Variants in STX8 observed in about 807,000 individuals in gnomAD.
The protein encoded by STX8 is syntaxin-8.
A neutral mutation model predicts 37.5 loss-of-function variants in STX8; 23 were observed. That is an observed-to-expected ratio of 0.61 (90% CI 0.44 to 0.87). The LOEUF (loss-of-function observed/expected upper bound fraction) is 0.87. STX8 is among the 40% of genes least tolerant of loss of function. The probability of loss-of-function intolerance (pLI) is 0.00; values close to 1 mark genes in which losing one functional copy is unlikely to be tolerated. For synonymous variants in STX8, 115 were observed against 99.1 expected (o/e 1.16, Z -0.95); for missense variants, 313 against 284.7 (o/e 1.10, Z -0.71).
chr17:9,434,438 G>A (rs952310074), intron 6 of STX8, among the ~76,000 whole-genome samples: 1 of 152,208 alleles, frequency 6.6e-6, no homozygotes. Context: ...AGACAGAGTG[G>A]AACACTAAAG....
chr17:9,385,084 T>G (rs988765866), intron 6 of STX8, among the ~76,000 whole-genome samples: 1 of 151,134 alleles, frequency 6.6e-6, no homozygotes, highest in African/African-American at 2.4e-5. Context: ...GGACAGGACA[T>G]AAAAAGACTA....
chr17:9,463,999 T>C (rs987702917), intron 6 of STX8, among the ~76,000 whole-genome samples: 2 of 151,894 alleles, frequency 1.3e-5, no homozygotes, highest in Admixed American at 6.6e-5. Context: ...TGCTTAAACC[T>C]GGGAGGCAGG....
intron 7 of STX8, among the ~76,000 whole-genome samples, chr17:9,323,888 T>C (rs764281662): frequency 5.3e-5 from 8 of 152,054 alleles, no homozygotes; most frequent in Non-Finnish European, 1.2e-4. Context: ...AGAATGGGAA[T>C]GCACGCAGGT....
At chr17:9,430,634 G>A (rs1226278596) in intron 6 of STX8, among the ~76,000 whole-genome samples, 6 of 147,716 alleles carry the variant, frequency 4.1e-5, no homozygotes, top group Non-Finnish European at 8.9e-5. Flanking sequence ...GGACAGTTGG[G>A]CTCAGTGGTT....
intron 1 of STX8, among the ~76,000 whole-genome samples, chr17:9,573,506 T>C (rs1907767251): frequency 6.6e-6 from 1 of 152,204 alleles, no homozygotes; most frequent in Non-Finnish European, 1.5e-5. Context: ...AAATCTTACA[T>C]GTATTAATTC....
At chr17:9,523,289 G>A (rs1443214555) in intron 4 of STX8, among the ~76,000 whole-genome samples, 1 of 141,242 alleles carries the variant, frequency 7.1e-6, no homozygotes, top group Admixed American at 7.5e-5. Flanking sequence ...TCCAGCCTGG[G>A]CAACAGAGCG....
Position 9,504,512 on chromosome 17 carries a change from C to G in STX8, c.448+526G>C, listed in dbSNP as rs200918794. ...TTGCTTGGACTTAGATTCAGATCTG[C>G]TCTCTCTGCTCTTGCCCAATGGAAA... On this transcript the variant is annotated intron_variant, in intron 5 of 7. Transcript: ENST00000306357. Among the ~76,000 whole-genome samples the G allele has an allele frequency of 3.3e-4, 50 of 152,156 alleles. No homozygotes were observed. In the East Asian group the frequency reaches 7.0e-3, roughly 21 times the overall value.
chr17:9,323,775 T>C (rs1450210326), intron 7 of STX8, among the ~76,000 whole-genome samples: 1 of 151,914 alleles, frequency 6.6e-6, no homozygotes, highest in Non-Finnish European at 1.5e-5. Context: ...CTGATAGAAG[T>C]GGAGATTAGC....
rs532239494 is a variant in STX8, at chr17:9,470,546, C to T, written c.541+21283G>A. Among the ~76,000 whole-genome samples, 25 of 152,300 alleles carry T rather than the reference C, an allele frequency of 1.6e-4. No individual in the cohort carries two copies. In the South Asian group the frequency reaches 4.3e-3, roughly 26 times the overall value. Reference sequence around the variant, plus strand: ...GTGAAGAGCTACAATTTGTCTTAAGCGGCTTTCACCTTCTTTCTGTATCTT... The same window carrying T: ...GTGAAGAGCTACAATTTGTCTTAAGTGGCTTTCACCTTCTTTCTGTATCTT... On this transcript the variant is annotated intron_variant, in intron 6 of 7. Transcript: ENST00000306357.
chr17:9,341,586 G>A (rs1910360932), intron 7 of STX8, among the ~76,000 whole-genome samples: 1 of 152,114 alleles, frequency 6.6e-6, no homozygotes, highest in South Asian at 2.1e-4. Flanking sequence ...ACAGGCATGT[G>A]CCACCAGGCC....
At chr17:9,572,937 T>C (rs535183000) in intron 1 of STX8, among the ~76,000 whole-genome samples, 1 of 152,320 alleles carries the variant, frequency 6.6e-6, no homozygotes, top group East Asian at 1.9e-4. Flanking sequence ...CCAATCTAAA[T>C]AGATAACTGG....
At chr17:9,470,722 G>GCTTTTTT (rs1290034803) in intron 6 of STX8, among the ~76,000 whole-genome samples, 1 of 151,990 alleles carries the variant, frequency 6.6e-6, no homozygotes, top group Non-Finnish European at 1.5e-5. Flanking sequence ...AGGCCTAACT[G>GCTTTTTT]CTTTTTTCTT....
intron 6 of STX8, among the ~76,000 whole-genome samples, chr17:9,415,913 A>G (rs75371509): frequency 0.024 from 3,630 of 152,310 alleles, 66 homozygotes; most frequent in South Asian, 0.048. Context: ...TCCAGCTTCT[A>G]TGCTGGCATC....
chr17:9,490,969 C>T (rs1906828471), intron 6 of STX8, among the ~76,000 whole-genome samples: 2 of 152,158 alleles, frequency 1.3e-5, no homozygotes. Context: ...AAGGGCTTAG[C>T]ACATAGTGGG....
chr17:9,512,561 C>T (rs1481461393), intron 4 of STX8, among the ~76,000 whole-genome samples: 1 of 152,030 alleles, frequency 6.6e-6, no homozygotes, highest in East Asian at 1.9e-4. Context: ...CTCCCAGGCT[C>T]AAGTGAGCCT....
At chr17:9,297,827 A>T (rs1248422068) in intron 7 of STX8, among the ~76,000 whole-genome samples, 2 of 152,208 alleles carry the variant, frequency 1.3e-5, no homozygotes, top group Non-Finnish European at 2.9e-5. Flanking sequence ...CCTAGGTGAT[A>T]TAGTGAGTGT....
chr17:9,305,817 T>A (rs1167095909), intron 7 of STX8, among the ~76,000 whole-genome samples: 1 of 145,794 alleles, frequency 6.9e-6, no homozygotes, highest in African/African-American at 2.5e-5. Flanking sequence ...TGATTCTGGC[T>A]CACTGCAATC....
intron 6 of STX8, among the ~76,000 whole-genome samples, chr17:9,485,813 T>C (rs986682778): frequency 1.3e-5 from 2 of 151,984 alleles, no homozygotes; most frequent in Non-Finnish European, 2.9e-5. Context: ...CTCAAACTCC[T>C]GACCTCAAAT....
intron 7 of STX8, among the ~76,000 whole-genome samples, chr17:9,352,497 T>C (rs1482744298): frequency 6.9e-6 from 1 of 145,152 alleles, no homozygotes; most frequent in Non-Finnish European, 1.5e-5. Context: ...AGACGGAGTC[T>C]TGCTCTGTGG....
Sources: gnomAD v4.1 joint callset for allele counts (sites outside exome capture counted in the v4.1 genomes callset) on GRCh38, gnomAD v4.1.1 for gene constraint, MANE v1.5 for transcripts, NCBI Gene and HGNC (gene_info 2026-07-23, HGNC 2026-07-21) for gene names.